Variants in CNTNAP5 observed in about 807,000 individuals in gnomAD.
The protein encoded by CNTNAP5 is contactin associated protein family member 5.
CNTNAP5 carries 72 observed loss-of-function variants against 150.2 expected under a neutral mutation model. The observed-to-expected ratio is 0.48, with a 90% CI of 0.40 to 0.58. The LOEUF (loss-of-function observed/expected upper bound fraction) is 0.58. CNTNAP5 is among the 20% of genes least tolerant of loss of function. The pLI, the probability that CNTNAP5 is intolerant of heterozygous loss-of-function variation, is 0.00. For synonymous variants in CNTNAP5, 672 were observed against 619.8 expected (o/e 1.08, Z -1.25); for missense variants, 1,636 against 1,626.2 (o/e 1.01, Z -0.10).
chr2:124,281,106 T>C (rs565972369), intron 3 of CNTNAP5, among the ~76,000 whole-genome samples: 23 of 152,224 alleles, frequency 1.5e-4, no homozygotes, highest in South Asian at 1.5e-3. Flanking sequence ...ACTCCAGCAA[T>C]GAGGGGAAGA....
intron 1 of CNTNAP5, among the ~76,000 whole-genome samples, chr2:124,165,948 A>G (rs1684803618): frequency 6.6e-6 from 1 of 152,094 alleles, no homozygotes; most frequent in Non-Finnish European, 1.5e-5. Context: ...AAAACTCCTC[A>G]TTGCTTTCAC....
chr2:124,284,154 A>C (rs915648604), intron 3 of CNTNAP5, among the ~76,000 whole-genome samples: 1 of 152,214 alleles, frequency 6.6e-6, no homozygotes, highest in Non-Finnish European at 1.5e-5. Context: ...TAAGCCAAGC[A>C]GAGCTCTTGC....
chr2:124,805,589 G>A (rs186500746), intron 19 of CNTNAP5, among the ~76,000 whole-genome samples: 1 of 152,126 alleles, frequency 6.6e-6, no homozygotes, highest in African/African-American at 2.4e-5. Context: ...AGCTAGTATG[G>A]AAATAAAGCC....
chr2:124,834,040 A>G (rs1056396389), intron 19 of CNTNAP5, among the ~76,000 whole-genome samples: 1 of 152,208 alleles, frequency 6.6e-6, no homozygotes, highest in Non-Finnish European at 1.5e-5. Flanking sequence ...GATAATAACA[A>G]AGGAAGAAAT....
chr2:124,356,910 T>G (rs995160608), intron 3 of CNTNAP5, among the ~76,000 whole-genome samples: 8 of 151,930 alleles, frequency 5.3e-5, no homozygotes, highest in Non-Finnish European at 1.0e-4. Flanking sequence ...TGAACTAGTT[T>G]ACAGTCCCAC....
At position 124,747,271 on chromosome 2, in the gene CNTNAP5, G is replaced by A. The variant is rs1680623155; in HGVS notation, c.2120G>A (p.Arg707Lys). 1.2e-6 allele frequency: 2 copies of A among 1,613,714 alleles called. No homozygotes were observed. Among genetic ancestry groups the A allele is most frequent in the Non-Finnish European group, 1.7e-6 (2 of 1,179,760 alleles). The change falls in exon 14 of 24, where the codon AGG (arginine) becomes AAG (lysine). Residue 707 changes from arginine (R) to lysine (K), a missense_variant. Coordinates refer to ENST00000682447, the MANE Select transcript of CNTNAP5 (RefSeq NM_001367498.1). ...TGGTGGATTGGGCGGTCCAATGAAAGGCACCCTTACTGGGGAGGTTCCCCT... is the reference window on the plus strand; with the variant it reads ...TGGTGGATTGGGCGGTCCAATGAAAAGCACCCTTACTGGGGAGGTTCCCCT... ...FTWWIGRSNE[R>K]HPYWGGSPPG...
chr2:124,175,544 C>A (rs933567450), intron 1 of CNTNAP5, among the ~76,000 whole-genome samples: 1 of 152,122 alleles, frequency 6.6e-6, no homozygotes, highest in African/African-American at 2.4e-5. Context: ...TTCCATCACC[C>A]GGGTAGTGAG....
chr2:124,408,007 C>T (rs551391687), intron 3 of CNTNAP5, among the ~76,000 whole-genome samples: 429 of 152,216 alleles, frequency 2.8e-3, no homozygotes, highest in Admixed American at 6.7e-3. Context: ...AGACAGTGGG[C>T]GCAGGTCAGT....
At chr2:124,303,634 A>G (rs976798188) in intron 3 of CNTNAP5, among the ~76,000 whole-genome samples, 2 of 152,216 alleles carry the variant, frequency 1.3e-5, no homozygotes, top group East Asian at 1.9e-4. Flanking sequence ...AGATTATCTA[A>G]AAGAGTAAAA....
intron 3 of CNTNAP5, among the ~76,000 whole-genome samples, chr2:124,326,490 T>C (rs901591710): frequency 6.6e-6 from 1 of 152,086 alleles, no homozygotes; most frequent in African/African-American, 2.4e-5. Context: ...AACAAAATAA[T>C]ATTTTATTAG....
rs982218609 is a variant in CNTNAP5 at position 124,911,514 on chromosome 2, C to G, written c.3703C>G (p.Arg1235Gly). ...DEREPLTNAV[R>G]SDSAVIGGVI... ...GCGGGAACCACTCACAAATGCTGTT[C>G]GAAGTGATTCGGCAGTCATCGGAGG... is the stretch of plus-strand genomic sequence containing the variant. Residue 1235 changes from arginine to glycine, a missense_variant, in exon 23 of 24, where the codon CGA (arginine) becomes GGA (glycine). Transcript: ENST00000682447. 4 of 1,601,180 alleles carry G rather than the reference C, an allele frequency of 2.5e-6. No individual in the cohort carries two copies. The African/African-American group carries it at 5.4e-5, about 21-fold the overall frequency.
chr2:124,903,833 C>T (rs1049230790), intron 22 of CNTNAP5, among the ~76,000 whole-genome samples: 1 of 151,978 alleles, frequency 6.6e-6, no homozygotes, highest in Non-Finnish European at 1.5e-5. Context: ...GCAGGAGGAT[C>T]ACCTGAGGTC....
At chr2:124,882,349 G>A (rs190985987) in intron 21 of CNTNAP5, among the ~76,000 whole-genome samples, 1 of 152,182 alleles carries the variant, frequency 6.6e-6, no homozygotes, top group East Asian at 1.9e-4. Flanking sequence ...ACAGGAGGGG[G>A]GTGTGGGATT....
At chr2:124,499,954 T>A (rs1163291832) in intron 7 of CNTNAP5, among the ~76,000 whole-genome samples, 1 of 152,124 alleles carries the variant, frequency 6.6e-6, no homozygotes, top group East Asian at 1.9e-4. Flanking sequence ...GGAAAGTCAG[T>A]GCTGGTCTGT....
At chr2:124,858,994 A>T (rs958750983) in intron 19 of CNTNAP5, among the ~76,000 whole-genome samples, 11 of 152,056 alleles carry the variant, frequency 7.2e-5, no homozygotes, top group Non-Finnish European at 1.5e-5. Flanking sequence ...GGACATAGGC[A>T]TGGGCAAGGG....
intron 3 of CNTNAP5, among the ~76,000 whole-genome samples, chr2:124,404,308 CT>C (rs1691512487): frequency 6.6e-6 from 1 of 152,174 alleles, no homozygotes; most frequent in South Asian, 2.1e-4. Flanking sequence ...TAACATCTGC[CT>C]GGTGGCACCG....
intron 1 of CNTNAP5, among the ~76,000 whole-genome samples, chr2:124,057,470 T>TTTTTTTTTTTTTTTTTTTTTTG: frequency 7.3e-6 from 1 of 136,964 alleles, no homozygotes; most frequent in Non-Finnish European, 1.6e-5. Context: ...TTTTTTTTTT[T>TTTTTTTTTTTTTTTTTTTTTTG]TAGTAGAGAT....
intron 4 of CNTNAP5, among the ~76,000 whole-genome samples, chr2:124,419,872 A>G (rs1692036983): frequency 7.2e-6 from 1 of 138,986 alleles, no homozygotes; most frequent in South Asian, 2.4e-4. Flanking sequence ...CAGCATTATC[A>G]TGTTTTTTAT....
intron 1 of CNTNAP5, among the ~76,000 whole-genome samples, chr2:124,068,399 G>A (rs1305603600): frequency 6.6e-6 from 1 of 152,144 alleles, no homozygotes; most frequent in East Asian, 1.9e-4. Flanking sequence ...CACAGAAGGA[G>A]CATTTGGACC....
Sources: gnomAD v4.1 joint callset for allele counts (sites outside exome capture counted in the v4.1 genomes callset) on GRCh38, gnomAD v4.1.1 for gene constraint, MANE v1.5 for transcripts, NCBI Gene and HGNC (gene_info 2026-07-23, HGNC 2026-07-21) for gene names.